Variants in RABGAP1L observed in about 807,000 individuals in gnomAD.
RABGAP1L encodes rab GTPase-activating protein 1-like.
In RABGAP1L, 63 loss-of-function variants were observed where a neutral mutation model predicts 137.7. The ratio of observed to expected loss-of-function variants is 0.46; its 90% CI spans 0.37 to 0.56. The LOEUF (loss-of-function observed/expected upper bound fraction) is 0.56. Ranked by LOEUF, RABGAP1L falls within the 20% of genes least tolerant of loss-of-function variation. The pLI is 0.00. For synonymous variants in RABGAP1L, 431 were observed against 433.7 expected, an observed-to-expected ratio of 0.99 and a Z score of 0.08; for missense variants, 1,095 against 1,244.0, an observed-to-expected ratio of 0.88 and a Z score of 1.80.
intron 11 of RABGAP1L, among the ~76,000 whole-genome samples, chr1:174,346,195 C>T (rs560177484): frequency 6.6e-6 from 1 of 152,076 alleles, no homozygotes; most frequent in East Asian, 1.9e-4. Flanking sequence ...GGAATATTGG[C>T]CTATAATTTT....
At chr1:174,430,373 T>A (rs1010969215) in intron 13 of RABGAP1L, among the ~76,000 whole-genome samples, 54 of 146,064 alleles carry the variant, frequency 3.7e-4, no homozygotes, top group South Asian at 6.4e-4. Flanking sequence ...AAAAAAAAAA[T>A]TTTTTTTCAA....
intron 4 of RABGAP1L, 43 bp from the exon 5 acceptor site, chr1:174,241,440 C>T (rs192248297): frequency 3.7e-5 from 48 of 1,302,114 alleles, no homozygotes; most frequent in Middle Eastern, 2.0e-4. Context: ...CTTTGTTCTT[C>T]GAGAATTAAT....
intron 14 of RABGAP1L, among the ~76,000 whole-genome samples, chr1:174,683,058 G>GTT (rs35576869): frequency 0.023 from 2,553 of 111,558 alleles, 90 homozygotes; most frequent in African/African-American, 0.074. Flanking sequence ...TTCTAAAGGG[G>GTT]TTTTTTTTTT....
intron 13 of RABGAP1L, among the ~76,000 whole-genome samples, chr1:174,430,948 G>A (rs1264349921): frequency 6.6e-6 from 1 of 152,024 alleles, no homozygotes; most frequent in East Asian, 1.9e-4. Flanking sequence ...ATACTTCATG[G>A]CTTTTTAAAA....
At chr1:174,621,811 A>T (rs1395372602) in intron 13 of RABGAP1L, among the ~76,000 whole-genome samples, 1 of 152,244 alleles carries the variant, frequency 6.6e-6, no homozygotes, top group Non-Finnish European at 1.5e-5. Flanking sequence ...TTCATGTCTA[A>T]AACACAAAAA....
intron 13 of RABGAP1L, among the ~76,000 whole-genome samples, chr1:174,458,506 G>A (rs1055351539): frequency 2.0e-5 from 3 of 151,966 alleles, no homozygotes; most frequent in Non-Finnish European, 4.4e-5. Flanking sequence ...AAAATTTCTA[G>A]CATATGAATA....
chr1:174,916,500 C>T (rs1248953754), intron 19 of RABGAP1L, among the ~76,000 whole-genome samples: 1 of 151,968 alleles, frequency 6.6e-6, no homozygotes, highest in Non-Finnish European at 1.5e-5. Flanking sequence ...GGGAAAAGGG[C>T]CAAAAGGGAA....
At chr1:174,472,508 G>T (rs1658055330) in intron 13 of RABGAP1L, among the ~76,000 whole-genome samples, 1 of 152,196 alleles carries the variant, frequency 6.6e-6, no homozygotes. Context: ...TTATTACGGT[G>T]AAAAGATACA....
chr1:174,233,249 G>A (rs1230383668), intron 4 of RABGAP1L, among the ~76,000 whole-genome samples: 2 of 147,500 alleles, frequency 1.4e-5, no homozygotes, highest in East Asian at 3.9e-4. Flanking sequence ...TGTAAGATGT[G>A]CAAGAATATG....
At chr1:174,782,936 G>A (rs1032835881) in intron 18 of RABGAP1L, among the ~76,000 whole-genome samples, 32 of 152,170 alleles carry the variant, frequency 2.1e-4, no homozygotes, top group African/African-American at 6.5e-4. Flanking sequence ...CAGGCATTCC[G>A]GAGCTGGGAT....
At chr1:174,242,899 A>C (rs1277684410) in intron 5 of RABGAP1L, 1 of 152,252 alleles carries the variant, frequency 6.6e-6, no homozygotes, top group Non-Finnish European at 1.5e-5. Context: ...TATAGTAGAC[A>C]GTGAATATAA....
intron 17 of RABGAP1L, among the ~76,000 whole-genome samples, chr1:174,736,914 C>T (rs116463280): frequency 0.012 from 1,815 of 152,278 alleles, 40 homozygotes; most frequent in African/African-American, 0.042. Context: ...GACAATGGGG[C>T]CCCGGGCCTG....
At chr1:174,282,971 C>T (rs1019085149) in intron 10 of RABGAP1L, among the ~76,000 whole-genome samples, 2 of 152,194 alleles carry the variant, frequency 1.3e-5, no homozygotes, top group African/African-American at 4.8e-5. Context: ...ACCACACAGT[C>T]TTGCTCATTA....
chr1:174,194,632 G>GA (rs1405039760), intron 1 of RABGAP1L, among the ~76,000 whole-genome samples: 1 of 152,152 alleles, frequency 6.6e-6, no homozygotes, highest in African/African-American at 2.4e-5. Context: ...TTGCCCCCAG[G>GA]AAAAGTGCTA....
At chr1:174,387,417 A>G (rs1026892767) in intron 12 of RABGAP1L, among the ~76,000 whole-genome samples, 11 of 152,168 alleles carry the variant, frequency 7.2e-5, no homozygotes, top group African/African-American at 2.2e-4. Flanking sequence ...AGCATTGTAG[A>G]CCTAATGGAA....
intron 1 of RABGAP1L, among the ~76,000 whole-genome samples, chr1:174,167,736 C>T (rs1665027151): frequency 6.6e-6 from 1 of 152,020 alleles, no homozygotes; most frequent in Non-Finnish European, 1.5e-5. Context: ...ACAAGTGATG[C>T]AAATAAATAT....
chr1:174,224,619 C>T (rs987566649), intron 3 of RABGAP1L, among the ~76,000 whole-genome samples: 11 of 152,076 alleles, frequency 7.2e-5, no homozygotes, highest in African/African-American at 2.7e-4. Flanking sequence ...GTAATATTCT[C>T]TTATTATCCT....
At chr1:174,984,117 T>A (rs1394319284) in intron 24 of RABGAP1L, among the ~76,000 whole-genome samples, 2 of 149,656 alleles carry the variant, frequency 1.3e-5, no homozygotes, top group African/African-American at 5.0e-5. Flanking sequence ...GTTACATAGG[T>A]ATACGTGTGC....
At chr1:174,749,774 A>G (rs1462468070) in intron 17 of RABGAP1L, among the ~76,000 whole-genome samples, 1 of 152,220 alleles carries the variant, frequency 6.6e-6, no homozygotes, top group African/African-American at 2.4e-5. Flanking sequence ...CTTCAGGATC[A>G]GAAAGTGACC....
Sources: gnomAD v4.1 joint callset for allele counts (sites outside exome capture counted in the v4.1 genomes callset) on GRCh38, gnomAD v4.1.1 for gene constraint, MANE v1.5 for transcripts, NCBI Gene and HGNC (gene_info 2026-07-23, HGNC 2026-07-21) for gene names.